PRKAA2: variants seen among roughly 807,000 people sequenced by gnomAD.
PRKAA2 encodes the protein 5'-AMP-activated protein kinase catalytic subunit alpha-2.
PRKAA2 carries 40 observed loss-of-function variants against 56.3 expected under a neutral mutation model. The observed-to-expected ratio is 0.71, with a 90% confidence interval of 0.55 to 0.92. PRKAA2 has a LOEUF of 0.92. PRKAA2 is among the 40% of genes least tolerant of loss of function. PRKAA2 has a pLI of 0.00. For synonymous variants in PRKAA2, 214 were observed against 234.2 expected (o/e 0.91, Z 0.79); for missense variants, 542 against 686.9 (o/e 0.79, Z 2.36).
chr1:56,704,609 A>C, intron 7 of PRKAA2, 134 bp downstream of exon 7: 2 of 994,412 alleles, frequency 2.0e-6, no homozygotes, highest in Non-Finnish European at 2.9e-6. Flanking sequence ...AACAAAACAA[A>C]TAACCTCTAT....
At chr1:56,675,702 T>C (rs1644108241) in intron 2 of PRKAA2, among the ~76,000 whole-genome samples, 2 of 152,300 alleles carry the variant, frequency 1.3e-5, no homozygotes, top group Admixed American at 6.5e-5. Context: ...GTATAAACTT[T>C]ATATGCATAT....
At chr1:56,669,975 G>C (rs1177363400) in intron 1 of PRKAA2, among the ~76,000 whole-genome samples, 1 of 152,166 alleles carries the variant, frequency 6.6e-6, no homozygotes, top group African/African-American at 2.4e-5. Flanking sequence ...CATAGTTCGG[G>C]TGAGTGTGGA....
chr1:56,674,598 T>A, intron 2 of PRKAA2, 76 bp downstream of exon 2: 1 of 1,219,430 alleles, frequency 8.2e-7, no homozygotes, highest in Non-Finnish European at 1.1e-6. Context: ...ATAATAATTG[T>A]TAATTGTTAA....
chr1:56,680,317 A>G (rs1644144084), intron 2 of PRKAA2, among the ~76,000 whole-genome samples: 1 of 152,158 alleles, frequency 6.6e-6, no homozygotes, highest in Admixed American at 6.5e-5. Context: ...CACAAGACTG[A>G]AGTACTTAGG....
intron 1 of PRKAA2, among the ~76,000 whole-genome samples, chr1:56,661,675 C>T (rs1400262877): frequency 2.0e-5 from 3 of 151,742 alleles, no homozygotes; most frequent in Non-Finnish European, 4.4e-5. Flanking sequence ...TTTAGAAAAA[C>T]GTGAATTTAA....
At chr1:56,682,341 A>C (rs1287113264) in intron 2 of PRKAA2, among the ~76,000 whole-genome samples, 1 of 152,208 alleles carries the variant, frequency 6.6e-6, no homozygotes. Flanking sequence ...AATTTAGATT[A>C]GGTATGAGGA....
intron 2 of PRKAA2, among the ~76,000 whole-genome samples, chr1:56,689,075 G>A (rs1644210647): frequency 6.6e-6 from 1 of 152,136 alleles, no homozygotes; most frequent in Non-Finnish European, 1.5e-5. Context: ...GATATACTCA[G>A]AAATGGCAGC....
chr1:56,677,449 G>A (rs2796496), intron 2 of PRKAA2, among the ~76,000 whole-genome samples: 72,368 of 151,888 alleles, frequency 0.48, 17,537 homozygotes, highest in East Asian at 0.64. Context: ...ATGAAAGTGG[G>A]GAAGGGAAAG....
intron 1 of PRKAA2, among the ~76,000 whole-genome samples, chr1:56,646,094 T>C (rs186842739): frequency 3.3e-5 from 5 of 152,170 alleles, no homozygotes; most frequent in East Asian, 3.9e-4. Context: ...CCAATTCTGG[T>C]CTTGCTGGGA....
chr1:56,705,064 T>C (rs1644322614), intron 7 of PRKAA2, among the ~76,000 whole-genome samples: 1 of 152,140 alleles, frequency 6.6e-6, no homozygotes, highest in Non-Finnish European at 1.5e-5. Flanking sequence ...AATATATGTG[T>C]GGGGAGGGGC....
chr1:56,689,838 A>AT (rs762531061), intron 2 of PRKAA2, among the ~76,000 whole-genome samples: 2 of 151,236 alleles, frequency 1.3e-5, no homozygotes, highest in African/African-American at 4.9e-5. Flanking sequence ...AATAAAGCTA[A>AT]TTTTTTTTCT....
chr1:56,707,921 A>G lies in PRKAA2; in HGVS notation c.*208A>G, dbSNP rs1644343362. On this transcript the variant is annotated 3_prime_UTR_variant, in exon 9 of 9. Transcript: ENST00000371244. ...AATCTGTAATTCTATTGTGCCTATG[A>G]TAAATTCACATAGGCAATATCTTTA... The G allele has an allele frequency of 1.7e-6, 1 of 585,570 alleles. No homozygotes were observed. Among genetic ancestry groups the G allele is most frequent in the Admixed American group, 3.2e-5 (1 of 31,536 alleles). The allele number at this position is 585,570 out of a possible 1,614,324, so 36.3% of individuals were successfully genotyped here. A position where few individuals can be genotyped will look rare whatever the true frequency, so the allele number is the denominator to read the frequency against.
chr1:56,660,359 T>A (rs1010897493), intron 1 of PRKAA2, among the ~76,000 whole-genome samples: 1 of 152,240 alleles, frequency 6.6e-6, no homozygotes, highest in African/African-American at 2.4e-5. Context: ...ATTTAGAGAC[T>A]CTTAAGACTT....
At position 56,704,161 on chromosome 1, in the gene PRKAA2, A is replaced by G. The variant is rs762602789; in HGVS notation, c.979A>G (p.Ile327Val). ...QDQLAVAYHL[I>V]IDNRRIMNQA... Reference sequence around the variant, plus strand: ...CCAGCTTGCAGTGGCTTATCATCTTATCATTGACAATCGGAGAATAATGAA... The same window carrying G: ...CCAGCTTGCAGTGGCTTATCATCTTGTCATTGACAATCGGAGAATAATGAA... The change falls in exon 7 of 9, where the codon ATC becomes GTC. Residue 327 changes from isoleucine to valine, a missense_variant. Coordinates refer to ENST00000371244, the MANE Select transcript of PRKAA2 (RefSeq NM_006252.4). 1.2e-6 allele frequency: 2 copies of G among 1,614,138 alleles called. No individual in the cohort carries two copies. Among genetic ancestry groups the G allele is most frequent in the East Asian group, 2.2e-5 (1 of 44,876 alleles).
chr1:56,692,265 C>T, intron 3 of PRKAA2, 93 bp from the exon 4 acceptor site: 4 of 1,481,698 alleles, frequency 2.7e-6, no homozygotes, highest in East Asian at 4.6e-5. Context: ...CTCCTGACCT[C>T]AGGTAATCCA....
chr1:56,706,839 G>C (rs1247817252), intron 8 of PRKAA2, among the ~76,000 whole-genome samples: 1 of 152,198 alleles, frequency 6.6e-6, no homozygotes, highest in Non-Finnish European at 1.5e-5. Context: ...GAATGGAACG[G>C]AGTTTAGAGT....
In PRKAA2 at chr1:56,713,081, G is replaced by A. The variant is rs1644379586; in HGVS notation, c.*5368G>A. On this transcript the variant is annotated 3_prime_UTR_variant, in exon 9 of 9. Transcript: ENST00000371244. ...CCCAAACCTTATAAAACTTTGAAAT[G>A]TACTTATGTTTGAGCTTTAAAAATT... The A allele has an allele frequency of 6.6e-6, 1 of 152,094 alleles. No homozygotes were observed. Among genetic ancestry groups the A allele is most frequent in the Admixed American group, 6.6e-5 (1 of 15,264 alleles). The allele number at this position is 152,094 out of a possible 1,614,324, so 9.4% of individuals were successfully genotyped here.
At chr1:56,685,114 G>A (rs751942321) in intron 2 of PRKAA2, among the ~76,000 whole-genome samples, 5 of 152,092 alleles carry the variant, frequency 3.3e-5, no homozygotes, top group Non-Finnish European at 7.4e-5. Context: ...GAACTTAAAG[G>A]CCATATGTTA....
At position 56,709,187 on chromosome 1, in the gene PRKAA2, T is replaced by C. The variant is rs1271524949; in HGVS notation, c.*1474T>C. 6.6e-6 allele frequency: 1 copy of C among 152,190 alleles called. No individual in the cohort carries two copies. The highest frequency in any genetic ancestry group is 2.4e-5 in the African/African-American group (1 of 41,462). The allele number at this position is 152,190 out of a possible 1,614,324, so 9.4% of individuals were successfully genotyped here. On this transcript the variant is annotated 3_prime_UTR_variant, in exon 9 of 9. Coordinates refer to ENST00000371244, the MANE Select transcript of PRKAA2 (RefSeq NM_006252.4). ...AAAAAATGACATTACCTTGACAGGC[T>C]TCTCTTTGCCAAAAGTAATGTATGT...
Sources: allele counts gnomAD v4.1 joint callset (sites outside exome capture counted in the v4.1 genomes callset), GRCh38; gene constraint gnomAD v4.1.1; transcripts MANE v1.5; gene names NCBI Gene and HGNC (gene_info 2026-07-23, HGNC 2026-07-21).